The following FRMD6 variants were observed in gnomAD, a reference collection of about 807,000 sequenced individuals.
The protein encoded by FRMD6 is FERM domain-containing protein 6.
In FRMD6, 37 loss-of-function variants were observed where a neutral mutation model predicts 73.2. The observed-to-expected ratio is 0.51, with a 90% CI of 0.39 to 0.66. FRMD6 has a LOEUF of 0.66. Ranked by LOEUF, FRMD6 falls within the 30% of genes least tolerant of loss-of-function variation. The pLI is 0.00. For synonymous variants in FRMD6, 273 were observed against 282.2 expected, an observed-to-expected ratio of 0.97 and a Z score of 0.33; for missense variants, 714 against 780.5, an observed-to-expected ratio of 0.91 and a Z score of 1.02.
At chr14:51,488,900 C>T (rs951482216), upstream of FRMD6, among the ~76,000 whole-genome samples, 6 of 152,188 alleles carry the variant, frequency 3.9e-5, no homozygotes, top group East Asian at 1.9e-4. Flanking sequence ...TATTTTATCC[C>T]GAGAGCTTGA....
chr14:51,619,389 A>AG (rs1191116433), intron 2 of FRMD6, among the ~76,000 whole-genome samples: 1 of 152,122 alleles, frequency 6.6e-6, no homozygotes, highest in Non-Finnish European at 1.5e-5. Flanking sequence ...AGAAAAAAAA[A>AG]AAAGAGGAAA....
intron 6 of FRMD6, among the ~76,000 whole-genome samples, chr14:51,705,163 G>A (rs113352021): frequency 1.9e-4 from 29 of 152,170 alleles, no homozygotes; most frequent in African/African-American, 5.8e-4. Context: ...TGATAATACA[G>A]TGGAGCTTGG....
the FRMD6 span, among the ~76,000 whole-genome samples, chr14:51,472,300 A>G: frequency 6.6e-6 from 1 of 151,792 alleles, no homozygotes; most frequent in Non-Finnish European, 1.5e-5. Flanking sequence ...AATTATTATT[A>G]TTATAATAAT....
At chr14:51,703,804 G>A (rs778018475) in intron 5 of FRMD6, among the ~76,000 whole-genome samples, 13 of 151,990 alleles carry the variant, frequency 8.6e-5, no homozygotes, top group Non-Finnish European at 5.9e-5. Context: ...ACCCATATGT[G>A]TTTATTGTTA....
intron 1 of FRMD6, among the ~76,000 whole-genome samples, chr14:51,686,476 T>G (rs1203280705): frequency 6.6e-6 from 1 of 152,160 alleles, no homozygotes; most frequent in Non-Finnish European, 1.5e-5. Flanking sequence ...TTGGGACTTA[T>G]CAGGAAATAA....
intron 1 of FRMD6, 145 bp from the exon 2 acceptor site, chr14:51,689,546 C>T (rs1209747185): frequency 5.6e-6 from 2 of 359,074 alleles, no homozygotes; most frequent in Middle Eastern, 7.8e-4. Flanking sequence ...TCAGTGAGTT[C>T]CCATGTATTA....
At position 51,689,738 on chromosome 14, in the gene FRMD6, G is replaced by A. The variant is rs1358518542; in HGVS notation, c.-99G>A. 30 of 758,310 alleles carry A rather than the reference G, an allele frequency of 4.0e-5. No individual in the cohort carries two copies. The highest frequency in any genetic ancestry group is 1.2e-4 in the East Asian group (5 of 40,416). The allele number at this position is 758,310 out of a possible 1,614,324, so 47.0% of individuals were successfully genotyped here. A position where few individuals can be genotyped will look rare whatever the true frequency, so the allele number is the denominator to read the frequency against. The stretch of plus-strand genomic sequence containing the variant: ...CACCGTGATGCTTCTCCTGCAGGGC[G>A]TGTGATGAGGAGGCGAGCTTGGCTT... On this transcript the variant is annotated 5_prime_UTR_variant, in exon 2 of 14. It adds an upstream start codon to the 5' untranslated region. Transcript: ENST00000344768.
In FRMD6 at chr14:51,689,799, C is replaced by T. The variant is rs1895414169; in HGVS notation, c.-38C>T. 2.3e-5 allele frequency: 30 copies of T among 1,298,958 alleles called. No homozygotes were observed. Among genetic ancestry groups the T allele is most frequent in the Non-Finnish European group, 3.4e-5 (30 of 894,064 alleles). The allele number at this position is 1,298,958 out of a possible 1,614,324, so 80.5% of individuals were successfully genotyped here. ...GGAACCTGAGGAATTGCCAAGGACC[C>T]AGAGCCCAGCCCTGACCACCAGAGT... On this transcript the variant is annotated 5_prime_UTR_variant, in exon 2 of 14. Transcript: ENST00000344768.
At chr14:51,571,768 G>A (rs1334749006) in intron 2 of FRMD6, among the ~76,000 whole-genome samples, 2 of 152,084 alleles carry the variant, frequency 1.3e-5, no homozygotes, top group African/African-American at 4.8e-5. Flanking sequence ...AGTGAGGATT[G>A]CTCTAAAAAA....
At chr14:51,477,737 C>CTTTTTTT in the FRMD6 span, among the ~76,000 whole-genome samples, 11 of 134,206 alleles carry the variant, frequency 8.2e-5, no homozygotes, top group South Asian at 2.4e-4. Flanking sequence ...TTTTCTTTTT[C>CTTTTTTT]TTTTTTTTTT....
chr14:51,701,663 G>C (rs1038892049), intron 4 of FRMD6, among the ~76,000 whole-genome samples: 3 of 149,720 alleles, frequency 2.0e-5, no homozygotes, highest in Non-Finnish European at 3.0e-5. Flanking sequence ...CATTAATCAA[G>C]TATTAATAGC....
chr14:51,585,939 G>GTGTATATATATATATATATATATATA, intron 2 of FRMD6, among the ~76,000 whole-genome samples: 2 of 31,400 alleles, frequency 6.4e-5, no homozygotes, highest in African/African-American at 1.4e-4. Flanking sequence ...GTGTGTGTGT[G>GTGTATATATATATATATATATATATA]TATATATATA....
At chr14:51,655,010 T>C (rs1489709211) in intron 1 of FRMD6, among the ~76,000 whole-genome samples, 1 of 151,560 alleles carries the variant, frequency 6.6e-6, no homozygotes, top group Admixed American at 6.6e-5. Context: ...AAATTTTGGC[T>C]CTCATTTTTG....
At chr14:51,699,125 G>A (rs919571881) in intron 3 of FRMD6, among the ~76,000 whole-genome samples, 1 of 152,062 alleles carries the variant, frequency 6.6e-6, no homozygotes, top group Non-Finnish European at 1.5e-5. Context: ...AAGTTGGTCA[G>A]CTGATAAACA....
chr14:51,517,643 C>G (rs375857592), intron 1 of FRMD6, among the ~76,000 whole-genome samples: 23 of 151,888 alleles, frequency 1.5e-4, no homozygotes, highest in African/African-American at 5.1e-4. Context: ...AATTACAAAG[C>G]CTATAATTAT....
intron 1 of FRMD6, among the ~76,000 whole-genome samples, chr14:51,504,286 C>A (rs2140226582): frequency 6.6e-6 from 1 of 152,216 alleles, no homozygotes; most frequent in East Asian, 1.9e-4. Context: ...GCAAAGATGG[C>A]AGCCAGTTCC....
chr14:51,536,178 T>C (rs1472015037), intron 1 of FRMD6, among the ~76,000 whole-genome samples: 3 of 150,434 alleles, frequency 2.0e-5, no homozygotes, highest in African/African-American at 7.3e-5. Context: ...CACTGCAGCC[T>C]CACCTCCTTG....
chr14:51,699,535 G>A (rs370797405), intron 3 of FRMD6, among the ~76,000 whole-genome samples: 18 of 152,118 alleles, frequency 1.2e-4, no homozygotes, highest in South Asian at 8.3e-4. Flanking sequence ...GTAGTATGGC[G>A]AAAGAACATT....
chr14:51,594,567 G>T (rs1296033132), intron 2 of FRMD6, among the ~76,000 whole-genome samples: 1 of 151,888 alleles, frequency 6.6e-6, no homozygotes, highest in Non-Finnish European at 1.5e-5. Context: ...GACCTCAAGT[G>T]ATCCACCCGC....
Sources: gnomAD v4.1 joint callset for allele counts (sites outside exome capture counted in the v4.1 genomes callset) on GRCh38, gnomAD v4.1.1 for gene constraint, MANE v1.5 for transcripts, NCBI Gene and HGNC (gene_info 2026-07-23, HGNC 2026-07-21) for gene names.